The following PBRM1 variants were observed in gnomAD, a reference collection of about 807,000 sequenced individuals.
PBRM1 encodes protein polybromo-1.
PBRM1 carries 27 observed loss-of-function variants against 194.5 expected under a neutral mutation model. The ratio of observed to expected loss-of-function variants is 0.14; its 90% CI spans 0.10 to 0.19. PBRM1 has a LOEUF of 0.19. Among genes scored for constraint, PBRM1 ranks in the 10% least tolerant of loss-of-function variants. The pLI is 1.00. For missense variants in PBRM1, 1,466 were observed against 2,077.2 expected (o/e 0.71, Z 5.72); for synonymous variants, 655 against 693.2 (o/e 0.94, Z 0.87).
intron 11 of PBRM1, among the ~76,000 whole-genome samples, chr3:52,630,158 A>C (rs1273495252): frequency 6.6e-6 from 1 of 152,170 alleles, no homozygotes; most frequent in Non-Finnish European, 1.5e-5. Context: ...ACAACGAATA[A>C]TAAACCTGCA....
chr3:52,627,369 G>A (rs2153580592), exon 13 of PBRM1: 1 of 1,602,170 alleles, frequency 6.2e-7, no homozygotes, highest in Non-Finnish European at 8.6e-7. Flanking sequence ...TTTCTTCTTT[G>A]CCTAAAACAG....
chr3:52,676,669 C>T (rs1444198956), intron 2 of PBRM1, among the ~76,000 whole-genome samples: 1 of 152,250 alleles, frequency 6.6e-6, no homozygotes, highest in East Asian at 1.9e-4. Context: ...AATGTGGAAG[C>T]GACTTTGGAA....
At chr3:52,658,097 A>G in intron 5 of PBRM1, 102 bp downstream of exon 6, 2 of 687,608 alleles carry the variant, frequency 2.9e-6, no homozygotes, top group African/African-American at 1.8e-5. Flanking sequence ...CCGGCCCAAC[A>G]TCTTCCTTTT....
At chr3:52,574,392 A>G (rs1020223523) in intron 22 of PBRM1, among the ~76,000 whole-genome samples, 1 of 152,210 alleles carries the variant, frequency 6.6e-6, no homozygotes, top group Non-Finnish European at 1.5e-5. Flanking sequence ...TAGGGATTAC[A>G]CTTTAAGTCA....
chr3:52,662,623 C>T lies in PBRM1; in HGVS notation c.385-347G>A, dbSNP rs568124904. ...CAGGTGGATCATGAGGTCAAGAGAT[C>T]GAGACCATCCTGGCCAACATGGTGA... On this transcript the variant is annotated intron_variant, in intron 3 of 29. Transcript: ENST00000296302. 2.0e-5 allele frequency among the ~76,000 whole-genome samples: 3 copies of T among 152,146 alleles called. No homozygotes were observed. The East Asian group carries it at 5.8e-4, about 29-fold the overall frequency.
chr3:52,617,259 T>G lies in PBRM1; in HGVS notation c.1818+3A>C, dbSNP rs778031394. Reference sequence around the variant, plus strand: ...CTACTTCAGGACCGCTGGCCCTCCTTACCTGGGAGCCCTCCTCATTATAGT... The same window carrying G: ...CTACTTCAGGACCGCTGGCCCTCCTGACCTGGGAGCCCTCCTCATTATAGT... On this transcript the variant is annotated splice_donor_region_variant and intron_variant, in intron 14 of 29. Transcript: ENST00000296302. The G allele has an allele frequency of 1.2e-6, 2 of 1,611,988 alleles. No individual in the cohort carries two copies. Among genetic ancestry groups the G allele is most frequent in the Admixed American group, 3.3e-5 (2 of 59,806 alleles).
intron 4 of PBRM1, 97 bp from the exon 6 acceptor site, chr3:52,658,412 CTTTT>C (rs200866604): frequency 3.5e-4 from 155 of 444,964 alleles, no homozygotes; most frequent in East Asian, 5.6e-4. Flanking sequence ...AAAACAGCAA[CTTTT>C]TTTTTTTTTT....
chr3:52,620,496 C>T (rs1006487969), intron 13 of PBRM1, among the ~76,000 whole-genome samples: 2 of 152,168 alleles, frequency 1.3e-5, no homozygotes, highest in Non-Finnish European at 2.9e-5. Context: ...TTTCAGCACA[C>T]TAAGCCCAAT....
intron 4 of PBRM1, among the ~76,000 whole-genome samples, chr3:52,659,612 G>A (rs1465593419): frequency 1.3e-5 from 2 of 152,036 alleles, no homozygotes; most frequent in Admixed American, 6.6e-5. Context: ...TGTAGACATG[G>A]GCGTCTCACT....
At chr3:52,661,087 G>A (rs1006944794) in intron 4 of PBRM1, among the ~76,000 whole-genome samples, 5 of 151,562 alleles carry the variant, frequency 3.3e-5, no homozygotes, top group Non-Finnish European at 7.4e-5. Flanking sequence ...GTACAGTGGC[G>A]CCATCTCGGC....
intron 15 of PBRM1, among the ~76,000 whole-genome samples, chr3:52,612,354 G>GATACAACA (rs1346670386): frequency 2.0e-5 from 3 of 149,548 alleles, no homozygotes; most frequent in African/African-American, 7.4e-5. Context: ...CTCAAGACAT[G>GATACAACA]ATACAACATA....
chr3:52,631,997 T>A (rs2095634039), intron 11 of PBRM1, among the ~76,000 whole-genome samples: 1 of 152,224 alleles, frequency 6.6e-6, no homozygotes, highest in African/African-American at 2.4e-5. Flanking sequence ...TTCTTTTGAA[T>A]GTTTTGAATT....
At chr3:52,571,773 C>A (rs1193855530) in intron 22 of PBRM1, among the ~76,000 whole-genome samples, 1 of 144,128 alleles carries the variant, frequency 6.9e-6, no homozygotes, top group Non-Finnish European at 1.5e-5. Flanking sequence ...ATAATCCCAG[C>A]ACTTTCGGGG....
At chr3:52,662,753 G>C (rs1377422296) in intron 3 of PBRM1, among the ~76,000 whole-genome samples, 1 of 150,966 alleles carries the variant, frequency 6.6e-6, no homozygotes, top group Admixed American at 6.6e-5. Context: ...TTGAACCAGA[G>C]AGGCAGAGGT....
rs74426436 is a variant in PBRM1, at chr3:52,577,695, T to C, written c.3534-997A>G. Among the ~76,000 whole-genome samples the C allele has an allele frequency of 1.9e-3, 286 of 152,278 alleles. 5 individuals carry two copies. In the East Asian group the frequency reaches 0.044, roughly 23 times the overall value. On this transcript the variant is annotated intron_variant, in intron 21 of 29. Coordinates refer to ENST00000296302, the Ensembl canonical transcript of PBRM1. ...TCCATTTATCAAGAATACTATTAAT[T>C]TGACCTTCAAAATACTATCTTTTGC...
chr3:52,643,716 A>C (rs1250030436), intron 8 of PBRM1, among the ~76,000 whole-genome samples: 1 of 152,230 alleles, frequency 6.6e-6, no homozygotes, highest in South Asian at 2.1e-4. Context: ...TCACGCCTGT[A>C]ATCCCAGCAC....
chr3:52,615,704 T>C (rs1439520246), intron 14 of PBRM1, among the ~76,000 whole-genome samples: 2 of 152,202 alleles, frequency 1.3e-5, no homozygotes, highest in Non-Finnish European at 2.9e-5. Context: ...TGAGAACCAC[T>C]GTAGTAGAAT....
At chr3:52,548,392 A>G (rs934699853) in intron 29 of PBRM1, among the ~76,000 whole-genome samples, 157 bp from the exon 32 acceptor site, 7 of 151,914 alleles carry the variant, frequency 4.6e-5, no homozygotes, top group East Asian at 1.9e-4. Context: ...CACATTTCTT[A>G]TATCATTTTA....
chr3:52,631,781 C>T (rs1577104402), intron 11 of PBRM1, among the ~76,000 whole-genome samples: 1 of 152,182 alleles, frequency 6.6e-6, no homozygotes, highest in East Asian at 1.9e-4. Context: ...GTTCTTTATA[C>T]CAAAAAGTCT....
Sources: allele counts gnomAD v4.1 joint callset (sites outside exome capture counted in the v4.1 genomes callset), GRCh38; gene constraint gnomAD v4.1.1; transcripts MANE v1.5; gene names NCBI Gene and HGNC (gene_info 2026-07-23, HGNC 2026-07-21).